Variants in FOXP2 observed in about 807,000 individuals in gnomAD.
FOXP2 encodes forkhead box protein P2.
A neutral mutation model predicts 115.8 loss-of-function variants in FOXP2; 12 were observed. The ratio of observed to expected loss-of-function variants is 0.10; its 90% CI spans 0.07 to 0.17. The LOEUF (loss-of-function observed/expected upper bound fraction) is 0.17, where lower values mean the gene tolerates loss of function less well. FOXP2 is among the 10% of genes least tolerant of loss of function. FOXP2 has a pLI of 1.00. For missense variants in FOXP2, 629 were observed against 843.5 expected (o/e 0.75, Z 3.15); for synonymous variants, 328 against 297.7 (o/e 1.10, Z -1.05).
intron 2 of FOXP2, among the ~76,000 whole-genome samples, chr7:114,380,349 G>A (rs4348426): frequency 0.95 from 145,011 of 152,268 alleles, 69,378 homozygotes; most frequent in East Asian, 1. Context: ...TAGTGCCCGA[G>A]TGAGGGCTAT....
intron 8 of FOXP2, among the ~76,000 whole-genome samples, chr7:114,650,083 T>C (rs1030603735): frequency 1.3e-5 from 2 of 152,276 alleles, no homozygotes; most frequent in African/African-American, 4.8e-5. Flanking sequence ...TTGACTATTA[T>C]TGTAGTCTAC....
chr7:114,423,542 A>G (rs1001025999), intron 1 of FOXP2, among the ~76,000 whole-genome samples: 2 of 151,136 alleles, frequency 1.3e-5, no homozygotes, highest in Non-Finnish European at 3.0e-5. Context: ...TAAAACAGGG[A>G]CTCCCAGATT....
chr7:114,622,266 C>T (rs1340830349), intron 3 of FOXP2, among the ~76,000 whole-genome samples: 1 of 151,958 alleles, frequency 6.6e-6, no homozygotes, highest in Non-Finnish European at 1.5e-5. Context: ...TGCAATTCAA[C>T]CACCATTCCT....
chr7:114,141,645 A>C (rs531240572), intron 1 of FOXP2, among the ~76,000 whole-genome samples: 6 of 152,276 alleles, frequency 3.9e-5, no homozygotes, highest in African/African-American at 1.4e-4. Context: ...CACTGCTGCA[A>C]GGTAACCCAA....
At chr7:114,410,105 A>G (rs1793128207), upstream of FOXP2, among the ~76,000 whole-genome samples, 1 of 152,110 alleles carries the variant, frequency 6.6e-6, no homozygotes, top group South Asian at 2.1e-4. Context: ...TTCGCCATAT[A>G]GACTTCTTTG....
intron 2 of FOXP2, among the ~76,000 whole-genome samples, chr7:114,356,909 T>C (rs150132747): frequency 1.1e-3 from 173 of 152,306 alleles, no homozygotes; most frequent in Non-Finnish European, 1.8e-3. Context: ...TATACCCTTA[T>C]GGTCTTTGAT....
chr7:114,428,448 C>G (rs1020852279), intron 2 of FOXP2, among the ~76,000 whole-genome samples: 1 of 151,322 alleles, frequency 6.6e-6, no homozygotes, highest in African/African-American at 2.4e-5. Flanking sequence ...AGAGTAAACA[C>G]AAAAGTTATG....
intron 3 of FOXP2, among the ~76,000 whole-genome samples, chr7:114,543,361 A>G (rs1799773707): frequency 1.3e-5 from 2 of 152,164 alleles, no homozygotes; most frequent in Admixed American, 1.3e-4. Flanking sequence ...ATAGATCTTC[A>G]TGAATCCTCA....
rs545299803 is a variant in FOXP2 at position 114,488,297 on chromosome 7, C to T, written c.169-46320C>T. Among the ~76,000 whole-genome samples the T allele has an allele frequency of 3.9e-5, 6 of 152,226 alleles. No homozygotes were observed. In the East Asian group the frequency reaches 5.8e-4, roughly 15 times the overall value. On this transcript the variant is annotated intron_variant, in intron 2 of 16. Transcript: ENST00000350908. ...CCCACCGGGTTTCTCCCAAGACTCA[C>T]GGGGATTATGGGAGCTACAATTCAA...
intron 2 of FOXP2, among the ~76,000 whole-genome samples, chr7:114,295,546 T>C (rs1796722197): frequency 6.6e-6 from 1 of 152,332 alleles, no homozygotes; most frequent in African/African-American, 2.4e-5. Flanking sequence ...TTCGTTTTTT[T>C]CCCCTATATG....
At chr7:114,400,957 G>A (rs929456739) in intron 2 of FOXP2, among the ~76,000 whole-genome samples, 4 of 152,000 alleles carry the variant, frequency 2.6e-5, no homozygotes, top group Non-Finnish European at 5.9e-5. Context: ...GGGGGTCAGT[G>A]GGTGAAAAAT....
chr7:114,256,437 A>T (rs1795615481), intron 1 of FOXP2, among the ~76,000 whole-genome samples: 1 of 151,974 alleles, frequency 6.6e-6, no homozygotes, highest in South Asian at 2.1e-4. Flanking sequence ...TTTTATTTGC[A>T]TTTCTCTAAT....
At chr7:114,348,457 G>C (rs1408544956) in intron 2 of FOXP2, among the ~76,000 whole-genome samples, 1 of 151,410 alleles carries the variant, frequency 6.6e-6, no homozygotes, top group Non-Finnish European at 1.5e-5. Context: ...TAGATTTTTA[G>C]TCATATTTCC....
At chr7:114,198,733 C>T (rs1793978726) in intron 1 of FOXP2, among the ~76,000 whole-genome samples, 1 of 152,094 alleles carries the variant, frequency 6.6e-6, no homozygotes, top group African/African-American at 2.4e-5. Context: ...TGCTTGATTG[C>T]CATCAGTCCC....
chr7:114,564,200 A>G (rs530803447), intron 3 of FOXP2, among the ~76,000 whole-genome samples: 2 of 152,004 alleles, frequency 1.3e-5, no homozygotes, highest in Admixed American at 6.6e-5. Context: ...AAACTATCAC[A>G]TATTGTCGGC....
chr7:114,231,468 C>T (rs866280658), intron 1 of FOXP2, among the ~76,000 whole-genome samples: 3 of 152,014 alleles, frequency 2.0e-5, no homozygotes, highest in African/African-American at 4.8e-5. Flanking sequence ...GATTTCAAAA[C>T]GTGTTGTGAA....
chr7:114,654,197 T>C, intron 10 of FOXP2, 188 bp downstream of exon 10: 1 of 1,363,236 alleles, frequency 7.3e-7, no homozygotes, highest in Non-Finnish European at 9.7e-7. Context: ...TTACAAAATC[T>C]ATCCAATCTA....
chr7:114,606,278 T>C (rs958726026), intron 3 of FOXP2, among the ~76,000 whole-genome samples: 1 of 152,176 alleles, frequency 6.6e-6, no homozygotes, highest in African/African-American at 2.4e-5. Context: ...TATTTGTATG[T>C]CTATAACTGG....
At chr7:114,517,284 C>T (rs1454430271) in intron 2 of FOXP2, among the ~76,000 whole-genome samples, 2 of 151,934 alleles carry the variant, frequency 1.3e-5, no homozygotes, top group Non-Finnish European at 2.9e-5. Flanking sequence ...ATATATTCTC[C>T]CATTCCATAG....
Sources: gnomAD v4.1 joint callset for allele counts (sites outside exome capture counted in the v4.1 genomes callset) on GRCh38, gnomAD v4.1.1 for gene constraint, MANE v1.5 for transcripts, NCBI Gene and HGNC (gene_info 2026-07-23, HGNC 2026-07-21) for gene names.